COL3A1: variants seen among roughly 807,000 people sequenced by gnomAD.
The protein encoded by COL3A1 is collagen alpha-1(III) chain.
Under a neutral mutation model 200.9 loss-of-function variants are expected in COL3A1, and 46 were observed. The observed-to-expected ratio is 0.23, with a 90% CI of 0.18 to 0.29. The LOEUF (loss-of-function observed/expected upper bound fraction) is 0.29. COL3A1 is among the 10% of genes least tolerant of loss of function. The pLI is 1.00. For missense variants in COL3A1, 1,367 were observed against 1,917.6 expected (o/e 0.71, Z 5.36); for synonymous variants, 650 against 628.0 (o/e 1.03, Z -0.52).
intron 32 of COL3A1, among the ~76,000 whole-genome samples, chr2:189,001,100 C>T (rs1306666263): frequency 6.6e-6 from 1 of 152,176 alleles, no homozygotes; most frequent in Non-Finnish European, 1.5e-5. Context: ...AAAGACATTA[C>T]TGTAAGATCT....
intron 40 of COL3A1, 29 bp from the exon 41 acceptor site, chr2:189,005,321 C>T: frequency 6.3e-7 from 1 of 1,579,676 alleles, no homozygotes; most frequent in East Asian, 2.2e-5. Flanking sequence ...TAAGTTGAAA[C>T]AAAATGTTTT....
At chr2:188,987,457 A>G (rs1157025701) in intron 5 of COL3A1, among the ~76,000 whole-genome samples, 1 of 152,046 alleles carries the variant, frequency 6.6e-6, no homozygotes, top group Non-Finnish European at 1.5e-5. Flanking sequence ...TACTATCAGT[A>G]TTTAGAAACA....
At position 188,999,822 on chromosome 2, in the gene COL3A1, C is replaced by A. The variant is rs186572763; in HGVS notation, c.2230-20C>A. 14 of 1,589,556 alleles carry A rather than the reference C, an allele frequency of 8.8e-6. No individual in the cohort carries two copies. Among genetic ancestry groups the A allele is most frequent in the Non-Finnish European group, 1.2e-5 (14 of 1,168,678 alleles). The stretch of plus-strand genomic sequence containing the variant: ...ACTGAAGATACTTTGAATCTGATGA[C>A]ATTGGCTTTTATTTGACAGGGTGAA... On this transcript the variant is annotated intron_variant, in intron 31 of 50. Transcript: ENST00000304636.
At position 189,001,562 on chromosome 2, in the gene COL3A1, A is replaced by C. The variant is rs886055332; in HGVS notation, c.2364A>C (p.Pro788=). The C allele has an allele frequency of 6.2e-7, 1 of 1,613,994 alleles. No individual in the cohort carries two copies. The highest frequency in any genetic ancestry group is 8.5e-7 in the Non-Finnish European group (1 of 1,180,010). Residue 788 remains proline, a synonymous_variant, in exon 34 of 51, where the codon CCA becomes CCC. Transcript: ENST00000304636. ...GTGAAGGTGGTGCCCCCGGACTTCCAGGTATAGCTGGACCTCGTGGTAGCC... is the reference window on the plus strand; with the variant it reads ...GTGAAGGTGGTGCCCCCGGACTTCCCGGTATAGCTGGACCTCGTGGTAGCC... ...DKGEGGAPGL[P]GIAGPRGSPG...
rs759248131 is a variant in COL3A1, at chr2:189,003,423, C to T, written c.2566C>T (p.Pro856Ser). Reference protein sequence around the residue: ...GGSGPAGPPGPQGVKGERGSP... With the variant: ...GGSGPAGPPGSQGVKGERGSP... The stretch of plus-strand genomic sequence containing the variant: ...CCATTTCATATAGGGTCCTCCTGGT[C>T]CCCAAGGTGTCAAAGGTGAACGTGG... Residue 856 changes from proline to serine, a missense_variant, in exon 37 of 51, where the codon CCC (proline) becomes TCC (serine). By Grantham distance (74) the Pro-to-Ser change is moderately conservative. Transcript: ENST00000304636. 1.2e-6 allele frequency: 2 copies of T among 1,613,616 alleles called. No homozygotes were observed. The highest frequency in any genetic ancestry group is 2.2e-5 in the South Asian group (2 of 91,018).
At position 189,006,452 on chromosome 2, in the gene COL3A1, T is replaced by A; in HGVS notation, c.3201T>A (p.Ser1067Arg). Residue 1067 changes from serine to arginine, a missense_variant and splice_region_variant, in exon 43 of 51, where the codon AGT (serine) becomes AGA (arginine). Ser to Arg is a moderately radical substitution (Grantham distance 110). Transcript: ENST00000304636. ...GAAAGAGTGGTGACAGAGGAGAAAGTGTGAGTTCCCAAAAGCAGCATCTGT... is the reference window on the plus strand; with the variant it reads ...GAAAGAGTGGTGACAGAGGAGAAAGAGTGAGTTCCCAAAAGCAGCATCTGT... ...PAGKSGDRGE[S>R]GPAGPAGAPG... is the part of the protein sequence containing the mutation. The A allele has an allele frequency of 6.2e-7, 1 of 1,613,836 alleles. No homozygotes were observed. The highest frequency in any genetic ancestry group is 8.5e-7 in the Non-Finnish European group (1 of 1,179,796).
Position 188,984,917 on chromosome 2 carries a change from T to G in COL3A1, c.237T>G (p.Ile79Met), listed in dbSNP as rs1688033145. ...DQELDCPNPE[I>M]PFGECCAVCP... ...AATTAGACTGCCCCAACCCAGAAAT[T>G]CCATTTGGAGAATGTTGTGCAGTTT... Residue 79 changes from isoleucine (I) to methionine (M), a missense_variant, in exon 2 of 51, where the codon ATT (isoleucine) becomes ATG (methionine). Physicochemically the swap from Ile to Met is conservative, Grantham distance 10 (BLOSUM62 1). Around this residue, in one of 5 missense-constraint regions of COL3A1, gnomAD observed 462 missense variants for 681.4 expected, o/e 0.68. Transcript: ENST00000304636. The G allele has an allele frequency of 6.2e-7, 1 of 1,613,120 alleles. No individual in the cohort carries two copies. Among genetic ancestry groups the G allele is most frequent in the South Asian group, 1.1e-5 (1 of 91,064 alleles).
rs28763875 is a variant in COL3A1, at chr2:188,984,744, C to T, written c.80-16C>T. On this transcript the variant is annotated splice_polypyrimidine_tract_variant and intron_variant, in intron 1 of 50. Coordinates refer to ENST00000304636, the MANE Select transcript of COL3A1 (RefSeq NM_000090.4). ...AAAACCTAAGGAAACTTCACGTCAT[C>T]TAACTTGTTTTTCAGCTGTTGAAGG... The T allele has an allele frequency of 1.6e-3, 2,657 of 1,611,978 alleles. 56 individuals carry two copies. In the African/African-American group the frequency reaches 0.032, roughly 19 times the overall value.
At chr2:189,011,004 T>TTGG (rs1364322261) in intron 50 of COL3A1, 114 bp downstream of exon 50, 1 of 1,370,266 alleles carries the variant, frequency 7.3e-7, no homozygotes, top group African/African-American at 1.4e-5. Context: ...AAGATAGCAT[T>TTGG]TGGTATGAAT....
At chr2:189,007,400 G>T in intron 44 of COL3A1, 100 bp from the exon 45 acceptor site, 3 of 959,364 alleles carry the variant, frequency 3.1e-6, no homozygotes, top group Non-Finnish European at 4.7e-6. Flanking sequence ...TTTTTTAGCT[G>T]ATAGAAAGCC....
At position 189,002,375 on chromosome 2, in the gene COL3A1, C is replaced by T. The variant is rs773844905; in HGVS notation, c.2445+24C>T. Reference sequence around the variant, plus strand: ...CTGTAAGTGTGAATATTTATACATACATGTCCCATAGCCCAGGATCTCTAT... The same window carrying T: ...CTGTAAGTGTGAATATTTATACATATATGTCCCATAGCCCAGGATCTCTAT... On this transcript the variant is annotated intron_variant, in intron 35 of 50. Coordinates refer to ENST00000304636, the MANE Select transcript of COL3A1 (RefSeq NM_000090.4). 14 of 1,605,002 alleles carry T rather than the reference C, an allele frequency of 8.7e-6. No homozygotes were observed. The South Asian group carries it at 1.4e-4, about 16-fold the overall frequency.
At chr2:189,006,646 A>C (rs1688591267) in intron 43 of COL3A1, among the ~76,000 whole-genome samples, 194 bp downstream of exon 43, 1 of 152,208 alleles carries the variant, frequency 6.6e-6, no homozygotes, top group Non-Finnish European at 1.5e-5. Flanking sequence ...TAGTCAATAA[A>C]GAATTCATTA....
Position 188,996,106 on chromosome 2 carries a change from A to G in COL3A1, c.1609-19A>G, listed in dbSNP as rs769818425. 1.2e-6 allele frequency: 2 copies of G among 1,612,224 alleles called. No individual in the cohort carries two copies. The highest frequency in any genetic ancestry group is 1.1e-5 in the South Asian group (1 of 90,998). ...TTATTTCATTTTAAATCACCTAACA[A>G]CTGACTTCTTTACTTCAGGGCATGC... On this transcript the variant is annotated intron_variant, in intron 22 of 50. Coordinates refer to ENST00000304636, the MANE Select transcript of COL3A1 (RefSeq NM_000090.4).
Position 188,982,514 on chromosome 2 carries a change from G to A in COL3A1, c.80-2246G>A, listed in dbSNP as rs1687973604. Reference sequence around the variant, plus strand: ...ATAGAAGATACTTAAAATAGGAAATGTTTGAGCCTAGCTTTAACTATTATC... The same window carrying A: ...ATAGAAGATACTTAAAATAGGAAATATTTGAGCCTAGCTTTAACTATTATC... On this transcript the variant is annotated intron_variant, in intron 1 of 50. Transcript: ENST00000304636. Among the ~76,000 whole-genome samples the A allele has an allele frequency of 2.6e-5, 4 of 151,858 alleles. No homozygotes were observed. The South Asian group carries it at 8.3e-4, about 31-fold the overall frequency.
intron 29 of COL3A1, 87 bp from the exon 30 acceptor site, chr2:188,999,198 T>G (rs371419246): frequency 8.4e-7 from 1 of 1,192,050 alleles, no homozygotes; most frequent in Non-Finnish European, 1.2e-6. Flanking sequence ...AATAACCTAG[T>G]GGCCTGATTC....
chr2:188,976,059 T>C (rs1272027115), intron 1 of COL3A1, among the ~76,000 whole-genome samples: 1 of 151,938 alleles, frequency 6.6e-6, no homozygotes, highest in South Asian at 2.1e-4. Flanking sequence ...TCTTCCTTTC[T>C]CATTCCTCTC....
intron 1 of COL3A1, among the ~76,000 whole-genome samples, chr2:188,977,656 G>A (rs1032773327): frequency 2.6e-5 from 4 of 151,916 alleles, no homozygotes; most frequent in Non-Finnish European, 4.4e-5. Flanking sequence ...AGAAAATGAC[G>A]GAGTCAAGGC....
chr2:188,982,865 T>G (rs1687983083), intron 1 of COL3A1, among the ~76,000 whole-genome samples: 1 of 151,844 alleles, frequency 6.6e-6, no homozygotes, highest in East Asian at 1.9e-4. Context: ...AAACCCAAAT[T>G]TTCGGACCTT....
At chr2:188,983,874 G>A (rs547791794) in intron 1 of COL3A1, among the ~76,000 whole-genome samples, 13 of 151,970 alleles carry the variant, frequency 8.6e-5, no homozygotes, top group African/African-American at 3.1e-4. Context: ...ACAATACACA[G>A]CTAATGCCTT....
Sources: allele counts gnomAD v4.1 joint callset (sites outside exome capture counted in the v4.1 genomes callset), GRCh38; gene constraint gnomAD v4.1.1; regional missense constraint gnomAD v4.1.1; transcripts MANE v1.5; gene names NCBI Gene and HGNC (gene_info 2026-07-23, HGNC 2026-07-21).